Variants in ADAMTS18 observed in about 807,000 individuals in gnomAD.
ADAMTS18 encodes the protein ADAM metallopeptidase with thrombospondin type 1 motif 18.
A neutral mutation model predicts 165.9 loss-of-function variants in ADAMTS18; 157 were observed. The ratio of observed to expected loss-of-function variants is 0.95; its 90% confidence interval spans 0.83 to 1.08. The LOEUF is 1.08. Ranked by LOEUF, ADAMTS18 falls within the 50% of genes least tolerant of loss-of-function variation. The pLI, the probability that ADAMTS18 is intolerant of heterozygous loss-of-function variation, is 0.00. For synonymous variants in ADAMTS18, 782 were observed against 578.2 expected (o/e 1.35, Z -5.06); for missense variants, 2,040 against 1,534.0 (o/e 1.33, Z -5.51).
chr16:77,284,234 TCCTG>T (rs1567449270), intron 22 of ADAMTS18, among the ~76,000 whole-genome samples, 163 bp from the exon 23 acceptor site: 1 of 151,654 alleles, frequency 6.6e-6, no homozygotes. Flanking sequence ...CAAACGATTC[TCCTG>T]CCTAAGCTTC....
chr16:77,406,528 G>A (rs2057395186), intron 3 of ADAMTS18, among the ~76,000 whole-genome samples: 1 of 152,062 alleles, frequency 6.6e-6, no homozygotes, highest in African/African-American at 2.4e-5. Context: ...ATGAAGATTG[G>A]GGGAAGGGGA....
intron 12 of ADAMTS18, among the ~76,000 whole-genome samples, chr16:77,333,340 C>T (rs2056221113): frequency 6.6e-6 from 1 of 151,982 alleles, no homozygotes; most frequent in Non-Finnish European, 1.5e-5. Flanking sequence ...AGCTTTACAA[C>T]AAATACCTAA....
intron 14 of ADAMTS18, among the ~76,000 whole-genome samples, 190 bp from the exon 15 acceptor site, chr16:77,321,392 T>G (rs955708129): frequency 8.5e-5 from 13 of 152,178 alleles, no homozygotes; most frequent in African/African-American, 2.9e-4. Flanking sequence ...ATTAGATGAC[T>G]GAGCAAGTTG....
At chr16:77,416,157 T>A (rs567257863) in intron 3 of ADAMTS18, among the ~76,000 whole-genome samples, 1 of 152,196 alleles carries the variant, frequency 6.6e-6, no homozygotes, top group East Asian at 1.9e-4. Flanking sequence ...AGTATTTGCA[T>A]AGGGAACTGA....
chr16:77,330,710 C>A (rs1314332500), intron 12 of ADAMTS18, among the ~76,000 whole-genome samples: 1 of 152,104 alleles, frequency 6.6e-6, no homozygotes, highest in Non-Finnish European at 1.5e-5. Flanking sequence ...ATTCCAGAGC[C>A]AGATAGCAGT....
In ADAMTS18 at chr16:77,325,906, A is replaced by G; in HGVS notation, c.1992T>C (p.Arg664=). The G allele has an allele frequency of 6.2e-7, 1 of 1,613,992 alleles. No individual in the cohort carries two copies. The highest frequency in any genetic ancestry group is 8.5e-7 in the Non-Finnish European group (1 of 1,179,968). The change falls in exon 13 of 23, where the codon CGT becomes CGC. Residue 664 remains arginine (R), a synonymous_variant. Transcript: ENST00000282849. ...AGGGTTTCCACTGGTAGAACCATCCACGGAAAGGTTTGCTGTTATATTCTG... is the reference window on the plus strand; with the variant it reads ...AGGGTTTCCACTGGTAGAACCATCCGCGGAAAGGTTTGCTGTTATATTCTG... ...QCAEYNSKPF[R]GWFYQWKPYT...
At chr16:77,323,283 T>C (rs978570917) in intron 13 of ADAMTS18, among the ~76,000 whole-genome samples, 3 of 152,304 alleles carry the variant, frequency 2.0e-5, no homozygotes, top group Admixed American at 6.5e-5. Context: ...AACAACAGTT[T>C]TACAAACGTG....
intron 14 of ADAMTS18, 29 bp downstream of exon 14, chr16:77,322,307 T>C (rs752639859): frequency 2.5e-6 from 4 of 1,612,008 alleles, no homozygotes; most frequent in South Asian, 1.1e-5. Flanking sequence ...AGCATGCTCA[T>C]ACACTCCAAA....
chr16:77,378,694 G>A (rs1032725661), intron 3 of ADAMTS18, among the ~76,000 whole-genome samples: 4 of 152,096 alleles, frequency 2.6e-5, no homozygotes, highest in African/African-American at 9.7e-5. Context: ...CAACCTGGGT[G>A]ACAGAGTGAA....
At chr16:77,429,364 A>G (rs985058957) in intron 3 of ADAMTS18, among the ~76,000 whole-genome samples, 1 of 152,232 alleles carries the variant, frequency 6.6e-6, no homozygotes, top group South Asian at 2.1e-4. Context: ...GTTCTCACTT[A>G]TAAGTGGGAG....
intron 2 of ADAMTS18, among the ~76,000 whole-genome samples, chr16:77,431,970 A>T (rs1567562740): frequency 6.6e-6 from 1 of 152,202 alleles, no homozygotes; most frequent in African/African-American, 2.4e-5. Flanking sequence ...TCATATATAT[A>T]AAATTTAATT....
At chr16:77,286,141 G>C (rs758741102) in intron 22 of ADAMTS18, among the ~76,000 whole-genome samples, 1 of 152,110 alleles carries the variant, frequency 6.6e-6, no homozygotes, top group Non-Finnish European at 1.5e-5. Context: ...TCCTCAATTA[G>C]ATTAGTATAT....
chr16:77,376,953 T>G (rs1352545937), intron 3 of ADAMTS18, among the ~76,000 whole-genome samples: 2 of 151,946 alleles, frequency 1.3e-5, no homozygotes, highest in African/African-American at 4.8e-5. Context: ...TAGCTGGGCT[T>G]ACAAGCGCCC....
chr16:77,322,425 C>G lies in ADAMTS18; in HGVS notation c.2074G>C (p.Glu692Gln). The change falls in exon 14 of 23, where the codon GAA (glutamate) becomes CAA (glutamine). Residue 692 changes from glutamate to glutamine, a missense_variant. Glu to Gln is a conservative substitution (Grantham distance 29). Transcript: ENST00000282849. ...CKLYCKAENFEFFFAMSGKVK... is the reference protein window; with the variant it reads ...CKLYCKAENFQFFFAMSGKVK... ...TTGCCGGACATTGCAAAAAAAAATT[C>G]AAAGTTCTCAGCCTTGCAGTACAGT... 1 of 1,613,952 alleles carries G rather than the reference C, an allele frequency of 6.2e-7. No individual in the cohort carries two copies. Among genetic ancestry groups the G allele is most frequent in the South Asian group, 1.1e-5 (1 of 91,076 alleles).
chr16:77,336,547 C>T (rs2056313996), intron 11 of ADAMTS18, among the ~76,000 whole-genome samples: 1 of 152,226 alleles, frequency 6.6e-6, no homozygotes, highest in Non-Finnish European at 1.5e-5. Flanking sequence ...CCTTTGTCTA[C>T]ATAAAAGGTG....
chr16:77,404,319 T>C (rs1280540881), intron 3 of ADAMTS18, among the ~76,000 whole-genome samples: 2 of 152,138 alleles, frequency 1.3e-5, no homozygotes, highest in Non-Finnish European at 2.9e-5. Context: ...AGCAAATAGA[T>C]TTGGAGGATA....
chr16:77,285,443 A>T (rs1426456048), intron 22 of ADAMTS18, among the ~76,000 whole-genome samples: 1 of 150,512 alleles, frequency 6.6e-6, no homozygotes, highest in East Asian at 2.0e-4. Context: ...AAAGTGCTGG[A>T]ATTACAGGTG....
At chr16:77,387,093 G>C (rs1393548110) in intron 3 of ADAMTS18, among the ~76,000 whole-genome samples, 2 of 152,196 alleles carry the variant, frequency 1.3e-5, no homozygotes, top group Non-Finnish European at 1.5e-5. Flanking sequence ...ACATAGATAA[G>C]ATGTGTTAGG....
intron 3 of ADAMTS18, among the ~76,000 whole-genome samples, chr16:77,388,656 A>G (rs2057143133): frequency 2.0e-5 from 3 of 152,138 alleles, no homozygotes; most frequent in Admixed American, 2.0e-4. Context: ...ACTTACAATA[A>G]TGCCTGCCAC....
Sources: gnomAD v4.1 joint callset for allele counts (sites outside exome capture counted in the v4.1 genomes callset) on GRCh38, gnomAD v4.1.1 for gene constraint, MANE v1.5 for transcripts, NCBI Gene and HGNC (gene_info 2026-07-23, HGNC 2026-07-21) for gene names.